The following SELENOI variants were observed in gnomAD, a reference collection of about 807,000 sequenced individuals.
The protein encoded by SELENOI is ethanolaminephosphotransferase 1.
A neutral mutation model predicts 50.7 loss-of-function variants in SELENOI; 24 were observed. The ratio of observed to expected loss-of-function variants is 0.47; its 90% CI spans 0.34 to 0.67. SELENOI has a LOEUF of 0.67. SELENOI is among the 30% of genes least tolerant of loss of function. SELENOI has a pLI of 0.01. For missense variants in SELENOI, 352 were observed against 461.4 expected (o/e 0.76, Z 2.17); for synonymous variants, 155 against 170.2 (o/e 0.91, Z 0.70).
At chr2:26,356,407 G>A (rs1677065527) in intron 1 of SELENOI, among the ~76,000 whole-genome samples, 1 of 152,144 alleles carries the variant, frequency 6.6e-6, no homozygotes, top group African/African-American at 2.4e-5. Flanking sequence ...GCAAAGATGT[G>A]TCAGTTCAGT....
Position 26,375,949 on chromosome 2 carries a change from A to G in SELENOI, c.682+801A>G, listed in dbSNP as rs147676627. 2.5e-3 allele frequency among the ~76,000 whole-genome samples: 381 copies of G among 152,090 alleles called. 3 individuals carry two copies. Among genetic ancestry groups the G allele is most frequent in the African/African-American group, 8.9e-3 (369 of 41,464 alleles). Reference sequence around the variant, plus strand: ...TAGTGAAACCCTGTCTCTAGAAAAAACTAAAGTTAATCAGGTGTGGTGCGT... The same window carrying G: ...TAGTGAAACCCTGTCTCTAGAAAAAGCTAAAGTTAATCAGGTGTGGTGCGT... On this transcript the variant is annotated intron_variant, in intron 6 of 9. Transcript: ENST00000260585.
intron 6 of SELENOI, among the ~76,000 whole-genome samples, chr2:26,378,640 C>G (rs564047452): frequency 4.6e-5 from 7 of 152,348 alleles, no homozygotes; most frequent in African/African-American, 1.7e-4. Flanking sequence ...GCCACGAACT[C>G]AGAGTTGTTC....
At chr2:26,367,339 C>A in intron 4 of SELENOI, 119 bp downstream of exon 4, 1 of 714,224 alleles carries the variant, frequency 1.4e-6, no homozygotes, top group Non-Finnish European at 2.1e-6. Context: ...TTATTAGTAT[C>A]CTGTTCAAAT....
At chr2:26,356,496 T>A (rs763180349) in intron 1 of SELENOI, among the ~76,000 whole-genome samples, 3 of 152,192 alleles carry the variant, frequency 2.0e-5, no homozygotes, top group Non-Finnish European at 4.4e-5. Flanking sequence ...GTTTTCATAG[T>A]TTTCCTTATG....
intron 1 of SELENOI, 166 bp downstream of exon 1, chr2:26,346,455 C>A (rs1462243335): frequency 3.6e-6 from 3 of 825,324 alleles, no homozygotes; most frequent in East Asian, 6.2e-5. Flanking sequence ...GGTCGGGGAG[C>A]GTGGGAGCAT....
At chr2:26,353,930 CAA>C (rs1431533502) in intron 1 of SELENOI, among the ~76,000 whole-genome samples, 1 of 152,084 alleles carries the variant, frequency 6.6e-6, no homozygotes, top group African/African-American at 2.4e-5. Flanking sequence ...GTGTGCCATT[CAA>C]AGACACCCGT....
intron 1 of SELENOI, among the ~76,000 whole-genome samples, chr2:26,354,100 T>C (rs955199083): frequency 6.6e-6 from 1 of 152,188 alleles, no homozygotes; most frequent in Non-Finnish European, 1.5e-5. Context: ...CAAACATTTA[T>C]ATATTGTATA....
chr2:26,384,519 A>G (rs574631070), intron 7 of SELENOI, among the ~76,000 whole-genome samples: 2 of 152,234 alleles, frequency 1.3e-5, no homozygotes, highest in Non-Finnish European at 2.9e-5. Context: ...AGAGTCTTTC[A>G]TTGTGAGCTG....
intron 1 of SELENOI, among the ~76,000 whole-genome samples, chr2:26,352,814 C>T (rs1160150146): frequency 7.1e-6 from 1 of 140,862 alleles, no homozygotes; most frequent in Non-Finnish European, 1.5e-5. Flanking sequence ...GTGTCTTTCT[C>T]ATAAAAGTCC....
rs1235093721 is a variant in SELENOI, at chr2:26,391,845, T to C, written c.*2742T>C. On this transcript the variant is annotated 3_prime_UTR_variant, in exon 10 of 10. Transcript: ENST00000260585. Reference sequence around the variant, plus strand: ...TTTTGTGATCCTTTAATATTATCCATGCTTTTATAAAGTGCAGTACACATT... The same window carrying C: ...TTTTGTGATCCTTTAATATTATCCACGCTTTTATAAAGTGCAGTACACATT... 1 of 152,206 alleles carries C rather than the reference T, an allele frequency of 6.6e-6. No homozygotes were observed. Among genetic ancestry groups the C allele is most frequent in the African/African-American group, 2.4e-5 (1 of 41,464 alleles). The allele number at this position is 152,206 out of a possible 1,614,324, so 9.4% of individuals were successfully genotyped here. A position where few individuals can be genotyped will look rare whatever the true frequency, so the allele number is the denominator to read the frequency against.
chr2:26,371,920 C>G (rs917178650), intron 4 of SELENOI, among the ~76,000 whole-genome samples: 1 of 151,730 alleles, frequency 6.6e-6, no homozygotes, highest in African/African-American at 2.4e-5. Context: ...GGAGCGCATT[C>G]CCTCCTCTTG....
At chr2:26,346,443 G>A in intron 1 of SELENOI, 154 bp downstream of exon 1, 1 of 942,362 alleles carries the variant, frequency 1.1e-6, no homozygotes, top group Non-Finnish European at 1.5e-6. Flanking sequence ...CTGGGGATTG[G>A]GGGTCGGGGA....
chr2:26,369,642 C>G (rs1487711300), intron 4 of SELENOI, among the ~76,000 whole-genome samples: 6 of 152,212 alleles, frequency 3.9e-5, no homozygotes, highest in Non-Finnish European at 8.8e-5. Flanking sequence ...CGTCAGGTGC[C>G]TCTTCCTGAA....
intron 5 of SELENOI, 68 bp downstream of exon 5, chr2:26,373,697 T>TG: frequency 2.0e-6 from 3 of 1,493,688 alleles, no homozygotes; most frequent in Non-Finnish European, 2.7e-6. Context: ...TTGTCATTGC[T>TG]TATTTATTGC....
intron 3 of SELENOI, 149 bp downstream of exon 3, chr2:26,365,089 G>T (rs949328440): frequency 7.3e-6 from 4 of 551,074 alleles, no homozygotes; most frequent in Admixed American, 3.7e-5. Context: ...TAGATATGTT[G>T]TCTAAAAAGC....
chr2:26,366,468 A>G (rs1677289106), intron 3 of SELENOI, among the ~76,000 whole-genome samples: 1 of 152,214 alleles, frequency 6.6e-6, no homozygotes, highest in African/African-American at 2.4e-5. Context: ...AATGTTATAT[A>G]TATCTCCCCA....
rs1213167455 is a variant in SELENOI at position 26,393,767 on chromosome 2, G to A, written c.*4664G>A. ...GGTACCTTAATGCTGTGTTGAAATT[G>A]GAAGCAGACTGCTCTTCAGCAGCAC... On this transcript the variant is annotated 3_prime_UTR_variant, in exon 10 of 10. Coordinates refer to ENST00000260585, the MANE Select transcript of SELENOI (RefSeq NM_033505.4). 6.6e-6 allele frequency: 1 copy of A among 152,138 alleles called. No homozygotes were observed. The highest frequency in any genetic ancestry group is 1.5e-5 in the Non-Finnish European group (1 of 68,026). 9.4% of individuals were successfully genotyped at this position (152,138 alleles called of 1,614,324 possible). A position where few individuals can be genotyped will look rare whatever the true frequency, so the allele number is the denominator to read the frequency against.
intron 9 of SELENOI, 54 bp downstream of exon 9, chr2:26,386,590 T>G: frequency 7.1e-7 from 1 of 1,414,868 alleles, no homozygotes; most frequent in Non-Finnish European, 9.4e-7. Flanking sequence ...ATGGCACCAA[T>G]AAATGCCTCC....
intron 1 of SELENOI, among the ~76,000 whole-genome samples, chr2:26,352,720 G>T (rs971572341): frequency 2.0e-5 from 3 of 152,056 alleles, no homozygotes; most frequent in Admixed American, 6.5e-5. Flanking sequence ...GGAGGTGGAG[G>T]TTGCAGTGAG....
Sources: allele counts gnomAD v4.1 joint callset (sites outside exome capture counted in the v4.1 genomes callset), GRCh38; gene constraint gnomAD v4.1.1; transcripts MANE v1.5; gene names NCBI Gene and HGNC (gene_info 2026-07-23, HGNC 2026-07-21).